The following C12orf75 variants were observed in gnomAD, a reference collection of about 807,000 sequenced individuals.
C12orf75 encodes overexpressed in colon carcinoma 1 protein.
Under a neutral mutation model 11.4 loss-of-function variants are expected in C12orf75, and 4 were observed. The observed-to-expected ratio is 0.35, with a 90% confidence interval of 0.17 to 0.80. The LOEUF (loss-of-function observed/expected upper bound fraction) is 0.80. C12orf75 is among the 30% of genes least tolerant of loss of function. C12orf75 has a pLI of 0.52. For synonymous variants in C12orf75, 30 were observed against 30.0 expected (o/e 1.00, Z 0.00); for missense variants, 89 against 80.4 (o/e 1.11, Z -0.41).
chr12:105,346,493 A>G (rs1181382877), intron 1 of C12orf75, among the ~76,000 whole-genome samples: 1 of 151,914 alleles, frequency 6.6e-6, no homozygotes, highest in African/African-American at 2.4e-5. Context: ...AAAACACTCT[A>G]CTGTTGGCAG....
chr12:105,369,249 A>T lies in C12orf75; in HGVS notation c.*34-1385A>T, dbSNP rs113599880. On this transcript the variant is annotated intron_variant, in intron 5 of 5. Coordinates refer to ENST00000443585, the MANE Select transcript of C12orf75 (RefSeq NM_001145199.2). ...TGCTCACCCTTGTGGGTGGATCTGA[A>T]GTTTGCCACTAACACTTTAGCATAA... 7.8e-3 allele frequency among the ~76,000 whole-genome samples: 1,158 copies of T among 148,596 alleles called. 17 individuals are homozygous for T. Among genetic ancestry groups the T allele is most frequent in the African/African-American group, 0.028 (1,101 of 39,932 alleles).
At chr12:105,353,652 G>A (rs972188339) in intron 2 of C12orf75, 1 of 152,088 alleles carries the variant, frequency 6.6e-6, no homozygotes, top group Non-Finnish European at 1.5e-5. Flanking sequence ...ATCAATTTTC[G>A]TGTTCTTAAA....
At position 105,362,599 on chromosome 12, in the gene C12orf75, G is replaced by A. The variant is rs1193010321; in HGVS notation, c.72-3208G>A. Reference sequence around the variant, plus strand: ...GGAGAATGGCGTGAACCTGGGAGGCGGAGCTTGCAGTGAGCTGAGATCGCG... The same window carrying A: ...GGAGAATGGCGTGAACCTGGGAGGCAGAGCTTGCAGTGAGCTGAGATCGCG... On this transcript the variant is annotated intron_variant, in intron 2 of 5. Coordinates refer to ENST00000443585, the MANE Select transcript of C12orf75 (RefSeq NM_001145199.2). 3.3e-5 allele frequency among the ~76,000 whole-genome samples: 5 copies of A among 150,004 alleles called. No individual in the cohort carries two copies. In the South Asian group the frequency reaches 6.4e-4, roughly 19 times the overall value.
intron 5 of C12orf75, among the ~76,000 whole-genome samples, chr12:105,368,001 G>A (rs1415633567): frequency 6.6e-6 from 1 of 152,172 alleles, no homozygotes; most frequent in Non-Finnish European, 1.5e-5. Flanking sequence ...TAATCTAACT[G>A]AACAGAGATG....
At chr12:105,331,852 G>A (rs915429107) in intron 1 of C12orf75, among the ~76,000 whole-genome samples, 4 of 152,160 alleles carry the variant, frequency 2.6e-5, no homozygotes, top group Non-Finnish European at 4.4e-5. Context: ...TCCAATTGAA[G>A]TCAACCAGAT....
At chr12:105,366,528 T>G in intron 3 of C12orf75, 89 bp from the exon 4 acceptor site, 1 of 546,040 alleles carries the variant, frequency 1.8e-6, no homozygotes, top group Non-Finnish European at 3.2e-6. Flanking sequence ...ATTTTAATAA[T>G]TATATAATTG....
chr12:105,369,613 C>T (rs1308186666), intron 5 of C12orf75, among the ~76,000 whole-genome samples: 10 of 152,224 alleles, frequency 6.6e-5, no homozygotes, highest in South Asian at 4.1e-4. Flanking sequence ...TCCCCTTTCC[C>T]CCAACCCCTG....
chr12:105,367,400 A>G, intron 4 of C12orf75, 72 bp from the exon 5 acceptor site: 1 of 562,184 alleles, frequency 1.8e-6, no homozygotes, highest in African/African-American at 1.9e-5. Context: ...ATTACTGTTT[A>G]ATGTTCTATA....
chr12:105,335,838 G>A (rs1892493826), intron 1 of C12orf75, among the ~76,000 whole-genome samples: 1 of 145,850 alleles, frequency 6.9e-6, no homozygotes. Context: ...CATTTTAAAT[G>A]GATTTTTTGG....
chr12:105,365,883 TG>T, intron 3 of C12orf75, 41 bp downstream of exon 3: 1 of 1,332,912 alleles, frequency 7.5e-7, no homozygotes, highest in Non-Finnish European at 1.1e-6. Flanking sequence ...TGAATGGTTT[TG>T]GCCATACCTC....
chr12:105,363,598 G>A (rs931556440), intron 2 of C12orf75, among the ~76,000 whole-genome samples: 1 of 152,050 alleles, frequency 6.6e-6, no homozygotes, highest in African/African-American at 2.4e-5. Flanking sequence ...GGTGGCACGG[G>A]CCTGGAATCC....
intron 2 of C12orf75, among the ~76,000 whole-genome samples, chr12:105,349,054 T>C (rs1373184703): frequency 6.6e-6 from 1 of 152,248 alleles, no homozygotes; most frequent in Non-Finnish European, 1.5e-5. Context: ...AGTTGATAAC[T>C]AGATATTCGA....
chr12:105,350,211 G>A lies in C12orf75; in HGVS notation c.71+1585G>A, dbSNP rs186580981. On this transcript the variant is annotated intron_variant, in intron 2 of 5. Coordinates refer to ENST00000443585, the MANE Select transcript of C12orf75 (RefSeq NM_001145199.2). The stretch of plus-strand genomic sequence containing the variant: ...TCAAGCACTGCCCTGCACTTGCATA[G>A]GACCTCTGCTCAAAACCTTTCAATT... 1.8e-3 allele frequency among the ~76,000 whole-genome samples: 280 copies of A among 152,326 alleles called. 1 individual carries two copies. The highest frequency in any genetic ancestry group is 3.1e-3 in the Non-Finnish European group (209 of 68,036).
chr12:105,336,998 C>G (rs1892506925), intron 1 of C12orf75, among the ~76,000 whole-genome samples: 1 of 152,068 alleles, frequency 6.6e-6, no homozygotes, highest in African/African-American at 2.4e-5. Context: ...TTGTCACAGC[C>G]TGGTAGGTTC....
chr12:105,340,345 G>A (rs1383447626), intron 1 of C12orf75, among the ~76,000 whole-genome samples: 3 of 150,248 alleles, frequency 2.0e-5, no homozygotes, highest in African/African-American at 7.4e-5. Flanking sequence ...GAATCGCTTC[G>A]ACCTGGGAGG....
At chr12:105,366,078 C>T in intron 3 of C12orf75, 2 of 528,602 alleles carry the variant, frequency 3.8e-6, no homozygotes, top group Non-Finnish European at 6.8e-6. Flanking sequence ...AATTTTCATC[C>T]TATGACCTTT....
intron 1 of C12orf75, among the ~76,000 whole-genome samples, chr12:105,339,247 A>ATAG (rs1892536039): frequency 6.7e-6 from 1 of 149,666 alleles, no homozygotes; most frequent in East Asian, 1.9e-4. Context: ...TTATATTTAT[A>ATAG]TAGTTCTCGG....
intron 2 of C12orf75, among the ~76,000 whole-genome samples, chr12:105,351,743 C>T (rs180924806): frequency 3.3e-5 from 5 of 152,238 alleles, no homozygotes; most frequent in African/African-American, 1.2e-4. Flanking sequence ...CAGGTGGTGT[C>T]CCCTGGAGCC....
chr12:105,363,619 G>A (rs1326279068), intron 2 of C12orf75, among the ~76,000 whole-genome samples: 1 of 152,072 alleles, frequency 6.6e-6, no homozygotes, highest in Non-Finnish European at 1.5e-5. Flanking sequence ...CAGCTACTCG[G>A]GAGGCTGAGG....
Sources: gnomAD v4.1 joint callset for allele counts (sites outside exome capture counted in the v4.1 genomes callset) on GRCh38, gnomAD v4.1.1 for gene constraint, MANE v1.5 for transcripts, NCBI Gene and HGNC (gene_info 2026-07-23, HGNC 2026-07-21) for gene names.